Variants in HDGFL2 observed in about 807,000 individuals in gnomAD.
HDGFL2 encodes the protein HDGF like 2, also known as hepatoma-derived growth factor-related protein 2.
Under a neutral mutation model 77.1 loss-of-function variants are expected in HDGFL2, and 36 were observed. That is an observed-to-expected ratio of 0.47 (90% CI 0.36 to 0.62). HDGFL2 has a LOEUF of 0.62. Among genes scored for constraint, HDGFL2 ranks in the 20% least tolerant of loss-of-function variants. The pLI, the probability that HDGFL2 is intolerant of heterozygous loss-of-function variation, is 0.00. For synonymous variants in HDGFL2, 463 were observed against 413.1 expected (o/e 1.12, Z -1.46); for missense variants, 976 against 973.4 (o/e 1.00, Z -0.04).
At chr19:4,497,651 TC>T in intron 10 of HDGFL2, 1 of 442,474 alleles carries the variant, frequency 2.3e-6, no homozygotes, top group Non-Finnish European at 4.1e-6. Context: ...GAGGGCCTTT[TC>T]CTAGCTCGCT....
chr19:4,494,593 C>G (rs1168595697), intron 9 of HDGFL2, 118 bp downstream of exon 9: 1 of 720,464 alleles, frequency 1.4e-6, no homozygotes, highest in East Asian at 3.4e-5. Context: ...TGCGTGGGCC[C>G]AGAAACTCCT....
At chr19:4,487,572 C>A (rs1975395264) in intron 3 of HDGFL2, among the ~76,000 whole-genome samples, 1 of 152,114 alleles carries the variant, frequency 6.6e-6, no homozygotes, top group African/African-American at 2.4e-5. Flanking sequence ...TGAATCCTTA[C>A]AACCATACGC....
intron 3 of HDGFL2, among the ~76,000 whole-genome samples, chr19:4,477,952 C>T (rs1038243650): frequency 1.6e-4 from 24 of 151,806 alleles, no homozygotes; most frequent in Admixed American, 1.2e-3. Context: ...TGGTGGCAGG[C>T]GCCTATAATC....
intron 14 of HDGFL2, 39 bp from the exon 15 acceptor site, chr19:4,501,152 G>A: frequency 1.2e-6 from 2 of 1,611,270 alleles, no homozygotes; most frequent in Non-Finnish European, 1.7e-6. Context: ...TGCCCAGCTG[G>A]AGCCCAGCAG....
chr19:4,475,076 A>C, intron 1 of HDGFL2, 199 bp from the exon 2 acceptor site: 1 of 577,994 alleles, frequency 1.7e-6, no homozygotes, highest in Non-Finnish European at 3.1e-6. Flanking sequence ...GGGTAGGGGG[A>C]GAGCTCTCTG....
At chr19:4,495,842 G>A (rs551669754) in intron 9 of HDGFL2, among the ~76,000 whole-genome samples, 2 of 152,206 alleles carry the variant, frequency 1.3e-5, no homozygotes, top group African/African-American at 2.4e-5. Context: ...GCCCTGTCAC[G>A]CCCTCTACCC....
chr19:4,473,554 G>A (rs961745118), intron 1 of HDGFL2, among the ~76,000 whole-genome samples: 2 of 151,836 alleles, frequency 1.3e-5, no homozygotes, highest in Non-Finnish European at 2.9e-5. Context: ...CTCCCTTGTG[G>A]GTCCTGGAGA....
In HDGFL2 at chr19:4,491,253, AC is replaced by A. The variant is rs1568211748; in HGVS notation, c.490-306del. Among the ~76,000 whole-genome samples the A allele has an allele frequency of 1.2e-3, 30 of 25,280 alleles. No individual in the cohort carries two copies. The East Asian group carries it at 0.059, about 50-fold the overall frequency. 16.6% of individuals were successfully genotyped at this position (25,280 alleles called of 152,430 possible). Reference sequence around the variant, plus strand: ...CATGAAACACTCACTCCCACCACCCACCCCCCCACCCCCCCACCCCCCCACC... The same window carrying A: ...CATGAAACACTCACTCCCACCACCCACCCCCCACCCCCCCACCCCCCCACC... On this transcript the variant is annotated intron_variant, in intron 4 of 15. Coordinates refer to ENST00000616600, the MANE Select transcript of HDGFL2 (RefSeq NM_001001520.3).
intron 1 of HDGFL2, among the ~76,000 whole-genome samples, chr19:4,474,491 G>T (rs1233464013): frequency 6.6e-6 from 1 of 152,130 alleles, no homozygotes; most frequent in African/African-American, 2.4e-5. Flanking sequence ...GAAGCTGGGT[G>T]AGTGGGGCAG....
intron 3 of HDGFL2, among the ~76,000 whole-genome samples, chr19:4,479,547 C>G (rs1012257142): frequency 6.7e-6 from 1 of 148,442 alleles, no homozygotes; most frequent in African/African-American, 2.5e-5. Context: ...CACCACTGCA[C>G]TCCAGCCTGG....
chr19:4,476,663 A>G (rs1467980423), intron 3 of HDGFL2, among the ~76,000 whole-genome samples: 1 of 150,998 alleles, frequency 6.6e-6, no homozygotes, highest in Non-Finnish European at 1.5e-5. Context: ...GTCAGGTGGA[A>G]AAAAACACCA....
chr19:4,496,712 C>T (rs1419621555), intron 10 of HDGFL2, among the ~76,000 whole-genome samples: 1 of 151,962 alleles, frequency 6.6e-6, no homozygotes, highest in Non-Finnish European at 1.5e-5. Context: ...GCTGGGGACG[C>T]TGCTGAGGGC....
At position 4,496,306 on chromosome 19, in the gene HDGFL2, A is replaced by G. The variant is rs766195315; in HGVS notation, c.1229A>G (p.Lys410Arg). ...EPEAELEREAKKSAKKPQSSS... is the reference protein window; with the variant it reads ...EPEAELEREARKSAKKPQSSS... The stretch of plus-strand genomic sequence containing the variant: ...CGCCCTTCCTGACTGCTATAGGCCA[A>G]GAAATCAGCGAAGAAGCCGCAGTCC... Residue 410 changes from lysine (K) to arginine (R), a missense_variant, in exon 10 of 16, where the codon AAG becomes AGG. Lys to Arg is a conservative substitution (Grantham distance 26). Coordinates refer to ENST00000616600, the MANE Select transcript of HDGFL2 (RefSeq NM_001001520.3). 4 of 1,614,104 alleles carry G rather than the reference A, an allele frequency of 2.5e-6. No homozygotes were observed. The highest frequency in any genetic ancestry group is 2.2e-5 in the South Asian group (2 of 91,086).
chr19:4,477,965 A>G (rs1975112324), intron 3 of HDGFL2, among the ~76,000 whole-genome samples: 1 of 151,656 alleles, frequency 6.6e-6, no homozygotes, highest in Non-Finnish European at 1.5e-5. Context: ...CTATAATCCC[A>G]GCTACTCGGG....
intron 3 of HDGFL2, among the ~76,000 whole-genome samples, chr19:4,478,163 G>A (rs1269595964): frequency 6.7e-6 from 1 of 149,292 alleles, no homozygotes; most frequent in Admixed American, 6.7e-5. Flanking sequence ...GAGCCCTGAA[G>A]TTTTTCTTGC....
chr19:4,487,555 TC>T (rs892558083), intron 3 of HDGFL2, among the ~76,000 whole-genome samples: 1 of 152,028 alleles, frequency 6.6e-6, no homozygotes, highest in Non-Finnish European at 1.5e-5. Context: ...CCAGCCCTAC[TC>T]CCCTCTGAAT....
At chr19:4,491,871 C>G in intron 6 of HDGFL2, 36 bp downstream of exon 6, 1 of 1,567,660 alleles carries the variant, frequency 6.4e-7, no homozygotes, top group Non-Finnish European at 8.8e-7. Context: ...CATGCCCACT[C>G]GTGGGGCACC....
intron 3 of HDGFL2, among the ~76,000 whole-genome samples, chr19:4,483,896 TCTC>T (rs1341097050): frequency 6.6e-6 from 1 of 151,496 alleles, no homozygotes; most frequent in African/African-American, 2.4e-5. Flanking sequence ...TTCAAGCGAT[TCTC>T]CTGCCTCAGC....
At chr19:4,495,044 C>T (rs774150512) in intron 9 of HDGFL2, among the ~76,000 whole-genome samples, 18 of 152,112 alleles carry the variant, frequency 1.2e-4, no homozygotes, top group Non-Finnish European at 1.8e-4. Flanking sequence ...ATAGAGTAGA[C>T]CCTGAAGGTG....
Sources: gnomAD v4.1 joint callset for allele counts (sites outside exome capture counted in the v4.1 genomes callset) on GRCh38, gnomAD v4.1.1 for gene constraint, MANE v1.5 for transcripts, NCBI Gene and HGNC (gene_info 2026-07-23, HGNC 2026-07-21) for gene names.